The following GLB1L2 variants were observed in gnomAD, a reference collection of about 807,000 sequenced individuals.
GLB1L2 encodes the protein beta-galactosidase-1-like protein 2.
In GLB1L2, 68 loss-of-function variants were observed where a neutral mutation model predicts 84.1. The ratio of observed to expected loss-of-function variants is 0.81; its 90% CI spans 0.67 to 0.99. The LOEUF (loss-of-function observed/expected upper bound fraction) is 0.99. GLB1L2 is among the 50% of genes least tolerant of loss of function. GLB1L2 has a pLI of 0.00. For missense variants in GLB1L2, 762 were observed against 805.6 expected (o/e 0.95, Z 0.66); for synonymous variants, 290 against 318.0 (o/e 0.91, Z 0.94).
At chr11:134,345,174 C>A in intron 4 of GLB1L2, 45 bp downstream of exon 4, 1 of 1,538,926 alleles carries the variant, frequency 6.5e-7, no homozygotes, top group Non-Finnish European at 8.8e-7. Flanking sequence ...GCAAAAAGCT[C>A]ACAGACATAG....
intron 4 of GLB1L2, chr11:134,346,313 G>A (rs1943551738): frequency 6.5e-6 from 1 of 152,918 alleles, no homozygotes; most frequent in East Asian, 1.9e-4. Context: ...AGAAAGCTGT[G>A]TGCCACCGTC....
intron 5 of GLB1L2, among the ~76,000 whole-genome samples, chr11:134,349,789 G>A (rs913599686): frequency 1.3e-5 from 2 of 152,152 alleles, no homozygotes; most frequent in Non-Finnish European, 2.9e-5. Context: ...TTGTTTTTAT[G>A]TTGTTGATTA....
chr11:134,370,873 A>T lies in GLB1L2; in HGVS notation c.1216-135A>T. The T allele has an allele frequency of 1.1e-6, 1 of 944,618 alleles. No individual in the cohort carries two copies. Among genetic ancestry groups the T allele is most frequent in the Non-Finnish European group, 1.6e-6 (1 of 613,726 alleles). The allele number at this position is 944,618 out of a possible 1,614,324, so 58.5% of individuals were successfully genotyped here. On this transcript the variant is annotated intron_variant, in intron 12 of 18. Transcript: ENST00000535456. This position sits in a 1 kb window ranked among gnomAD's most constrained non-coding sequence, Gnocchi z 4.7. ...CGTCACCCTGGAGAGTTGTATGTTT[A>T]GTGCAATGAGAAGTCAAAGTAGAAA...
At chr11:134,364,678 A>C (rs771303650) in intron 8 of GLB1L2, 1 of 394,588 alleles carries the variant, frequency 2.5e-6, no homozygotes, top group South Asian at 5.4e-5. Flanking sequence ...TGTGGCCTCA[A>C]CTAGCTCCAG....
At chr11:134,333,464 G>A (rs908857992) in intron 1 of GLB1L2, among the ~76,000 whole-genome samples, 12 of 152,332 alleles carry the variant, frequency 7.9e-5, no homozygotes, top group South Asian at 2.1e-4. Context: ...GTAGCAAGGC[G>A]TGCAAGCTGC....
chr11:134,366,167 A>T (rs1253248242), intron 8 of GLB1L2, among the ~76,000 whole-genome samples: 1 of 152,208 alleles, frequency 6.6e-6, no homozygotes, highest in Non-Finnish European at 1.5e-5. Flanking sequence ...CAAGCCAACA[A>T]CCTTGCTTCT....
intron 4 of GLB1L2, among the ~76,000 whole-genome samples, 162 bp downstream of exon 4, chr11:134,345,291 C>T (rs117843478): frequency 3.8e-3 from 573 of 152,326 alleles, no homozygotes; most frequent in Admixed American, 6.9e-3. Context: ...CAGAGGGGAT[C>T]GCTTTCAGTG....
intron 3 of GLB1L2, 26 bp downstream of exon 3, chr11:134,344,481 A>C (rs370186550): frequency 0.014 from 20,964 of 1,535,842 alleles, 386 homozygotes; most frequent in African/African-American, 0.043. Flanking sequence ...GCTTCTGTGA[A>C]CTGGCCAGGG....
chr11:134,347,010 A>G (rs1943560712), intron 4 of GLB1L2: 2 of 311,510 alleles, frequency 6.4e-6, no homozygotes, highest in South Asian at 1.1e-4. Flanking sequence ...TCACAGAGCA[A>G]GTTGTTGAAA....
chr11:134,351,186 T>C (rs1943625935), intron 5 of GLB1L2, among the ~76,000 whole-genome samples: 1 of 152,238 alleles, frequency 6.6e-6, no homozygotes, highest in South Asian at 2.1e-4. Context: ...CTTTACTATG[T>C]TGAGGTAGTT....
chr11:134,357,326 T>G (rs1346490611), intron 6 of GLB1L2, among the ~76,000 whole-genome samples: 4 of 152,230 alleles, frequency 2.6e-5, no homozygotes, highest in African/African-American at 4.8e-5. Context: ...TGTGGGTTCA[T>G]GCGTACTCTT....
In GLB1L2 at chr11:134,371,359, A is replaced by T. The variant is rs1943949706; in HGVS notation, c.1357-62A>T. 2.5e-6 allele frequency: 3 copies of T among 1,219,906 alleles called. 1 individual carries two copies. Among genetic ancestry groups the T allele is most frequent in the Middle Eastern group, 3.8e-4 (2 of 5,272 alleles). The allele number at this position is 1,219,906 out of a possible 1,614,324, so 75.6% of individuals were successfully genotyped here. ...ACGCGTGCTGCCCTTCTTGGCCTGGAGGAGGTCCCGCTTACCCTCCTCCTG... is the reference window on the plus strand; with the variant it reads ...ACGCGTGCTGCCCTTCTTGGCCTGGTGGAGGTCCCGCTTACCCTCCTCCTG... On this transcript the variant is annotated intron_variant, in intron 13 of 18. Coordinates refer to ENST00000535456, the MANE Select transcript of GLB1L2 (RefSeq NM_001370461.1).
At chr11:134,337,977 T>G (rs982261297) in intron 1 of GLB1L2, among the ~76,000 whole-genome samples, 1 of 152,312 alleles carries the variant, frequency 6.6e-6, no homozygotes, top group African/African-American at 2.4e-5. Context: ...AACCAGCCTT[T>G]GGGGCCGGCA....
rs1242475860 is a variant in GLB1L2, at chr11:134,371,584, G to A, written c.1428+92G>A. 4.9e-6 allele frequency: 5 copies of A among 1,017,890 alleles called. No homozygotes were observed. In the East Asian group the frequency reaches 9.5e-5, roughly 19 times the overall value. The allele number at this position is 1,017,890 out of a possible 1,614,324, so 63.1% of individuals were successfully genotyped here. ...ACTGAGGAAAACCTGGGAGACCCGTGGCTCCTTACCCACAAGCTGTAGGTG... is the reference window on the plus strand; with the variant it reads ...ACTGAGGAAAACCTGGGAGACCCGTAGCTCCTTACCCACAAGCTGTAGGTG... On this transcript the variant is annotated intron_variant, in intron 14 of 18. Transcript: ENST00000535456.
Position 134,371,778 on chromosome 11 carries a change from GGA to G in GLB1L2, c.1458_1459del (p.Asn487SerfsTer11), listed in dbSNP as rs1943955985. 1.9e-6 allele frequency: 3 copies of G among 1,614,066 alleles called. No homozygotes were observed. The African/African-American group carries it at 4.0e-5, about 22-fold the overall frequency. On this transcript the variant is annotated frameshift_variant, in exon 15 of 19. Coordinates refer to ENST00000535456, the MANE Select transcript of GLB1L2 (RefSeq NM_001370461.1). LOFTEE classifies it high-confidence loss of function. ...QGYTVLRILV[E>X]NRGRVNYGEN... Reference sequence around the variant, plus strand: ...GTTACACCGTGCTGAGGATCTTGGTGGAGAATCGTGGGCGAGTCAACTATGGG... The same window carrying G: ...GTTACACCGTGCTGAGGATCTTGGTGGAATCGTGGGCGAGTCAACTATGGG...
chr11:134,349,649 G>A (rs574430073), intron 5 of GLB1L2, among the ~76,000 whole-genome samples: 1 of 152,244 alleles, frequency 6.6e-6, no homozygotes, highest in Admixed American at 6.5e-5. Context: ...GGTGTGAAGT[G>A]GTATCTCATG....
intron 10 of GLB1L2, 60 bp downstream of exon 10, chr11:134,368,841 G>A: frequency 6.3e-7 from 1 of 1,579,774 alleles, no homozygotes; most frequent in Non-Finnish European, 8.6e-7. Flanking sequence ...GCTGGGACTT[G>A]CTATGGAGAG....
intron 1 of GLB1L2, among the ~76,000 whole-genome samples, chr11:134,340,918 G>T (rs996151488): frequency 6.6e-6 from 1 of 152,174 alleles, no homozygotes; most frequent in East Asian, 1.9e-4. Flanking sequence ...CAGATGGCAG[G>T]CTGGATTTGA....
chr11:134,374,304 C>A, intron 17 of GLB1L2, 48 bp downstream of exon 17: 1 of 1,412,304 alleles, frequency 7.1e-7, no homozygotes, highest in Non-Finnish European at 1.0e-6. Context: ...TGCCTCCCGC[C>A]TTGGAGGGCT....
Sources: gnomAD v4.1 joint callset for allele counts (sites outside exome capture counted in the v4.1 genomes callset) on GRCh38, gnomAD v4.1.1 for gene constraint, Gnocchi (gnomAD v3.1) non-coding constraint, MANE v1.5 for transcripts, NCBI Gene and HGNC (gene_info 2026-07-23, HGNC 2026-07-21) for gene names.